The following ZNF423 variants were observed in gnomAD, a reference collection of about 807,000 sequenced individuals.
The protein encoded by ZNF423 is zinc finger protein 423.
Under a neutral mutation model 95.8 loss-of-function variants are expected in ZNF423, and 12 were observed. The observed-to-expected ratio is 0.13, with a 90% CI of 0.08 to 0.20. The LOEUF is 0.20. Among genes scored for constraint, ZNF423 ranks in the 10% least tolerant of loss-of-function variants. The pLI is 1.00. For synonymous variants in ZNF423, 749 were observed against 711.9 expected, an observed-to-expected ratio of 1.05 and a Z score of -0.83; for missense variants, 1,316 against 1,737.1, an observed-to-expected ratio of 0.76 and a Z score of 4.31.
At chr16:49,706,644 A>G (rs535897097) in intron 3 of ZNF423, among the ~76,000 whole-genome samples, 26 of 152,370 alleles carry the variant, frequency 1.7e-4, no homozygotes, top group Middle Eastern at 3.4e-3. Context: ...CACATTTTTT[A>G]TCATCCATTC....
chr16:49,636,752 G>A lies in ZNF423; in HGVS notation c.2424C>T (p.Ile808=), dbSNP rs1244827566. 2.5e-6 allele frequency: 4 copies of A among 1,613,982 alleles called. No homozygotes were observed. The highest frequency in any genetic ancestry group is 2.7e-5 in the African/African-American group (2 of 74,952). The change falls in exon 4 of 8, where the codon ATC becomes ATT. Residue 808 remains isoleucine (I), a synonymous_variant. Transcript: ENST00000563137. This position sits in a 1 kb window ranked among gnomAD's most constrained non-coding sequence, Gnocchi z 8.6. ...FSTEVELQCH[I]TTHSKKYNCK... ...AGTTATACTTCTTGCTGTGTGTGGT[G>A]ATGTGGCACTGCAGCTCCACCTCGG...
rs148610150 is a variant in ZNF423 at position 49,656,599 on chromosome 16, C to T, written c.302-17725G>A. On this transcript the variant is annotated intron_variant, in intron 3 of 7. Coordinates refer to ENST00000563137, the MANE Select transcript of ZNF423 (RefSeq NM_001379286.1). Reference sequence around the variant, plus strand: ...CAAAAGCCAGTATCAGAGAAAACCCCATAATGCCTCCAAGCTAGAACTCTG... The same window carrying T: ...CAAAAGCCAGTATCAGAGAAAACCCTATAATGCCTCCAAGCTAGAACTCTG... 2.2e-3 allele frequency among the ~76,000 whole-genome samples: 336 copies of T among 152,276 alleles called. 1 individual carries two copies. The highest frequency in any genetic ancestry group is 6.9e-3 in the African/African-American group (285 of 41,554).
At chr16:49,696,213 G>A (rs895120860) in intron 3 of ZNF423, among the ~76,000 whole-genome samples, 1 of 152,148 alleles carries the variant, frequency 6.6e-6, no homozygotes, top group African/African-American at 2.4e-5. Flanking sequence ...AGGTCTTCAC[G>A]CCTGCTCCCC....
At chr16:49,591,562 A>G (rs1037124987) in intron 5 of ZNF423, among the ~76,000 whole-genome samples, 7 of 152,234 alleles carry the variant, frequency 4.6e-5, no homozygotes, top group Non-Finnish European at 8.8e-5. Context: ...ACTGGAAGCC[A>G]AGCCAAGTGT....
chr16:49,520,648 C>G (rs1968359772), intron 7 of ZNF423, among the ~76,000 whole-genome samples: 1 of 152,172 alleles, frequency 6.6e-6, no homozygotes, highest in African/African-American at 2.4e-5. Flanking sequence ...CCACAAGAAA[C>G]CAGCAAGGAT....
At chr16:49,575,667 C>T (rs1200289020) in intron 5 of ZNF423, among the ~76,000 whole-genome samples, 1 of 152,204 alleles carries the variant, frequency 6.6e-6, no homozygotes, top group Non-Finnish European at 1.5e-5. Flanking sequence ...TGGAGGGCAC[C>T]GTGCTACCTC....
At chr16:49,852,616 A>G (rs1398357127) in intron 1 of ZNF423, among the ~76,000 whole-genome samples, 1 of 152,160 alleles carries the variant, frequency 6.6e-6, no homozygotes, top group Non-Finnish European at 1.5e-5. Context: ...ACCATACCAC[A>G]CCACCAGGAA....
intron 3 of ZNF423, among the ~76,000 whole-genome samples, chr16:49,644,885 G>A (rs897388845): frequency 6.6e-6 from 1 of 152,064 alleles, no homozygotes; most frequent in Non-Finnish European, 1.5e-5. Flanking sequence ...AGCAAGAAAG[G>A]CACCAGTGGG....
At chr16:49,551,152 T>C (rs1174708261) in intron 5 of ZNF423, among the ~76,000 whole-genome samples, 1 of 152,230 alleles carries the variant, frequency 6.6e-6, no homozygotes, top group Admixed American at 6.5e-5. Context: ...GAGGGATGTG[T>C]GTTCCCACCA....
intron 1 of ZNF423, among the ~76,000 whole-genome samples, chr16:49,797,576 T>A (rs997365434): frequency 6.6e-6 from 1 of 152,182 alleles, no homozygotes; most frequent in African/African-American, 2.4e-5. Context: ...TGGGGGTGAT[T>A]GCATGCAAAA....
intron 4 of ZNF423, among the ~76,000 whole-genome samples, chr16:49,626,978 A>C (rs1327226993): frequency 6.1e-4 from 33 of 54,242 alleles, no homozygotes; most frequent in Admixed American, 6.9e-4. Flanking sequence ...ATCCATCCAT[A>C]TACCCATCCA....
Position 49,812,577 on chromosome 16 carries a change from G to T in ZNF423, c.41-23031C>A, listed in dbSNP as rs567480744. ...GTGTGGTGGCATGCGCTACTCAGGAGGCTAAGGTGGGAGGATCTCCTGAGC... is the reference window on the plus strand; with the variant it reads ...GTGTGGTGGCATGCGCTACTCAGGATGCTAAGGTGGGAGGATCTCCTGAGC... On this transcript the variant is annotated intron_variant, in intron 1 of 7. Coordinates refer to ENST00000563137, the MANE Select transcript of ZNF423 (RefSeq NM_001379286.1). Among the ~76,000 whole-genome samples the T allele has an allele frequency of 3.9e-5, 6 of 152,292 alleles. No individual in the cohort carries two copies. In the South Asian group the frequency reaches 1.0e-3, roughly 26 times the overall value.
At chr16:49,516,290 C>T (rs1027803250) in intron 7 of ZNF423, among the ~76,000 whole-genome samples, 4 of 152,226 alleles carry the variant, frequency 2.6e-5, no homozygotes, top group Non-Finnish European at 2.9e-5. Flanking sequence ...TGGAGTCTCA[C>T]TTTGTTCAAA....
chr16:49,723,777 G>A (rs915181014), intron 3 of ZNF423, among the ~76,000 whole-genome samples: 1 of 152,108 alleles, frequency 6.6e-6, no homozygotes, highest in Non-Finnish European at 1.5e-5. Context: ...CCTTTTTGGG[G>A]GATGGCCACC....
At chr16:49,544,804 A>T (rs1969383464) in intron 5 of ZNF423, among the ~76,000 whole-genome samples, 1 of 152,252 alleles carries the variant, frequency 6.6e-6, no homozygotes, top group African/African-American at 2.4e-5. Context: ...CAGGCATCAG[A>T]CATCAAGACG....
At chr16:49,784,575 G>A (rs2034278778) in intron 2 of ZNF423, among the ~76,000 whole-genome samples, 1 of 152,226 alleles carries the variant, frequency 6.6e-6, no homozygotes, top group Non-Finnish European at 1.5e-5. Context: ...ATTAGGCTAA[G>A]TGAAAGAAGC....
intron 1 of ZNF423, among the ~76,000 whole-genome samples, chr16:49,846,561 C>T (rs540720380): frequency 5.3e-5 from 8 of 152,290 alleles, no homozygotes; most frequent in Non-Finnish European, 8.8e-5. Context: ...GGGCACAAGG[C>T]ATCTGCAGGG....
chr16:49,826,205 C>T (rs1010179354), intron 1 of ZNF423, among the ~76,000 whole-genome samples: 1 of 152,128 alleles, frequency 6.6e-6, no homozygotes, highest in African/African-American at 2.4e-5. Flanking sequence ...GAGCAAGACC[C>T]TGTCTCAAAA....
chr16:49,686,932 T>A (rs1189348767), intron 3 of ZNF423, among the ~76,000 whole-genome samples: 1 of 151,986 alleles, frequency 6.6e-6, no homozygotes, highest in Non-Finnish European at 1.5e-5. Context: ...TTGGATCGCA[T>A]GTTCCTAACC....
Sources: allele counts gnomAD v4.1 joint callset (sites outside exome capture counted in the v4.1 genomes callset), GRCh38; gene constraint gnomAD v4.1.1; non-coding constraint Gnocchi (gnomAD v3.1); transcripts MANE v1.5; gene names NCBI Gene and HGNC (gene_info 2026-07-23, HGNC 2026-07-21).